Variants in NID1 observed in about 807,000 individuals in gnomAD.
The protein encoded by NID1 is nidogen 1, also known as nidogen-1.
NID1 carries 76 observed loss-of-function variants against 130.6 expected under a neutral mutation model. That is an observed-to-expected ratio of 0.58 (90% CI 0.48 to 0.70). The LOEUF (loss-of-function observed/expected upper bound fraction) is 0.70. Among genes scored for constraint, NID1 ranks in the 30% least tolerant of loss-of-function variants. The probability of loss-of-function intolerance (pLI) is 0.00; values close to 1 mark genes in which losing one functional copy is unlikely to be tolerated. For missense variants in NID1, 1,517 were observed against 1,664.8 expected (o/e 0.91, Z 1.54); for synonymous variants, 665 against 675.1 (o/e 0.98, Z 0.23).
At chr1:235,991,117 A>G in intron 13 of NID1, 59 bp from the exon 14 acceptor site, 2 of 1,300,972 alleles carry the variant, frequency 1.5e-6, no homozygotes, top group Non-Finnish European at 2.1e-6. Context: ...ACACAGATGC[A>G]CACACACACA....
intron 9 of NID1, among the ~76,000 whole-genome samples, chr1:236,023,436 G>T (rs766963354): frequency 6.6e-6 from 1 of 152,174 alleles, no homozygotes; most frequent in Non-Finnish European, 1.5e-5. Flanking sequence ...AAGTGGAATG[G>T]TGATTGCCAA....
chr1:235,977,800 G>T lies in NID1; in HGVS notation c.*67C>A. 2 of 1,574,800 alleles carry T rather than the reference G, an allele frequency of 1.3e-6. No individual in the cohort carries two copies. Among genetic ancestry groups the T allele is most frequent in the South Asian group, 2.3e-5 (2 of 86,502 alleles). On this transcript the variant is annotated 3_prime_UTR_variant, in exon 20 of 20. Transcript: ENST00000264187. The stretch of plus-strand genomic sequence containing the variant: ...TCAGCCAGAGGACACTTTTCAATCT[G>T]GACCAAGTTGCTTCAAGTAGAGTGT...
chr1:236,013,630 G>A (rs1037744955), intron 10 of NID1, 70 bp from the exon 11 acceptor site: 1 of 1,580,968 alleles, frequency 6.3e-7, no homozygotes, highest in African/African-American at 1.3e-5. Context: ...GCCCCTCCCA[G>A]CTCTATAAAG....
intron 9 of NID1, among the ~76,000 whole-genome samples, chr1:236,019,262 A>G (rs1473544229): frequency 6.6e-6 from 1 of 152,226 alleles, no homozygotes; most frequent in Non-Finnish European, 1.5e-5. Flanking sequence ...ACATGGGAGA[A>G]AAAAGGGGCT....
chr1:236,047,559 C>A (rs776718708), intron 2 of NID1, among the ~76,000 whole-genome samples: 1 of 152,094 alleles, frequency 6.6e-6, no homozygotes, highest in African/African-American at 2.4e-5. Flanking sequence ...ACTGCGCCCA[C>A]GGAGAGGCCA....
intron 9 of NID1, among the ~76,000 whole-genome samples, chr1:236,017,676 C>T (rs1174797668): frequency 2.0e-5 from 3 of 152,122 alleles, no homozygotes; most frequent in African/African-American, 7.2e-5. Flanking sequence ...GAGCCACCGC[C>T]CCTAGCCTAA....
Position 236,029,613 on chromosome 1 carries a change from T to C in NID1, c.1675A>G (p.Ile559Val), listed in dbSNP as rs1384630832. The change falls in exon 7 of 20, where the codon ATT (isoleucine) becomes GTT (valine). Residue 559 changes from isoleucine to valine, a missense_variant. This residue lies in a region of NID1 where 1,329 missense variants were observed against 1,429.2 expected (regional missense o/e 0.93). Coordinates refer to ENST00000264187, the MANE Select transcript of NID1 (RefSeq NM_002508.3). ...ATGTGCACGGAGGAGCCGAACGGAA[T>C]CTGCGGCACGCGGCCCTCCAGCTCC... is the stretch of plus-strand genomic sequence containing the variant. ...DTELEGRVPQ[I>V]PFGSSVHIEP... 6.2e-7 allele frequency: 1 copy of C among 1,603,736 alleles called. No homozygotes were observed. The highest frequency in any genetic ancestry group is 1.3e-5 in the African/African-American group (1 of 74,804).
chr1:235,979,103 A>T lies in NID1; in HGVS notation c.3514T>A (p.Ser1172Thr). 6.2e-7 allele frequency: 1 copy of T among 1,609,332 alleles called. No homozygotes were observed. Among genetic ancestry groups the T allele is most frequent in the East Asian group, 2.2e-5 (1 of 44,854 alleles). ...ATTGCAAGATCGAGAGCAACCACGG[A>T]ATTCCTACAAAGCACCAAAGGGCAG... The part of the protein sequence containing the change: ...NLYFTDWKMN[S>T]VVALDLAISK... Residue 1172 changes from serine (S) to threonine (T), a missense_variant, in exon 19 of 20, where the codon TCC (serine) becomes ACC (threonine). Coordinates refer to ENST00000264187, the MANE Select transcript of NID1 (RefSeq NM_002508.3). The surrounding 1 kb of genome is among the most constrained non-coding windows in gnomAD (Gnocchi z 4.6).
chr1:235,981,835 G>T, intron 15 of NID1, 53 bp from the exon 16 acceptor site: 1 of 1,519,070 alleles, frequency 6.6e-7, no homozygotes. Flanking sequence ...AAGCAGCTGA[G>T]ATGAGGTTTT....
intron 17 of NID1, 117 bp downstream of exon 17, chr1:235,980,370 CCATTCATAG>C: frequency 1.1e-6 from 1 of 917,072 alleles, no homozygotes; most frequent in Non-Finnish European, 1.6e-6. Flanking sequence ...ACCGTAAAAA[CCATTCATAG>C]CTTCTGGGTT....
At chr1:236,053,440 C>A (rs1481507643) in intron 1 of NID1, among the ~76,000 whole-genome samples, 1 of 152,098 alleles carries the variant, frequency 6.6e-6, no homozygotes, top group Non-Finnish European at 1.5e-5. Context: ...TCTCAGCTAC[C>A]AACAGCACGC....
chr1:235,991,168 C>T, intron 13 of NID1, 110 bp from the exon 14 acceptor site: 3 of 891,758 alleles, frequency 3.4e-6, no homozygotes, highest in Non-Finnish European at 4.9e-6. Context: ...TACACACACC[C>T]ACACATCAGG....
intron 16 of NID1, among the ~76,000 whole-genome samples, chr1:235,981,083 C>A (rs1412477373): frequency 1.3e-5 from 2 of 152,150 alleles, no homozygotes; most frequent in African/African-American, 4.8e-5. Flanking sequence ...AAGGAGGAGG[C>A]TGAGTGGCCA....
chr1:236,043,695 C>G (rs984557147), intron 3 of NID1, among the ~76,000 whole-genome samples: 24 of 152,094 alleles, frequency 1.6e-4, no homozygotes, highest in African/African-American at 5.1e-4. Context: ...CTGCTCGGGA[C>G]GCTGAAGCAG....
At chr1:236,016,962 C>T (rs559726516) in intron 10 of NID1, among the ~76,000 whole-genome samples, 186 bp downstream of exon 10, 4 of 152,304 alleles carry the variant, frequency 2.6e-5, no homozygotes, top group South Asian at 2.1e-4. Flanking sequence ...ATGTTGCTTA[C>T]TCATTACACT....
chr1:236,064,743 G>T, intron 1 of NID1, 112 bp downstream of exon 1: 1 of 937,458 alleles, frequency 1.1e-6, no homozygotes, highest in Non-Finnish European at 1.5e-6. Context: ...GTGCCCCGGC[G>T]GCCAGCGGGT....
rs1659326933 is a variant in NID1 at position 236,038,401 on chromosome 1, T to C, written c.1136-148A>G. On this transcript the variant is annotated intron_variant, in intron 4 of 19. Transcript: ENST00000264187. ...CCAGGCTCACTACAGAAGATTACAA[T>C]CCCCTACAGGTAGCCACTTAAATAG... 5.4e-6 allele frequency: 4 copies of C among 735,548 alleles called. No individual in the cohort carries two copies. The Admixed American group carries it at 1.5e-4, about 27-fold the overall frequency. The allele number at this position is 735,548 out of a possible 1,614,324, so 45.6% of individuals were successfully genotyped here.
chr1:236,039,830 G>A (rs760706453), intron 4 of NID1, among the ~76,000 whole-genome samples: 1 of 152,134 alleles, frequency 6.6e-6, no homozygotes, highest in African/African-American at 2.4e-5. Flanking sequence ...CTGAACACGT[G>A]ATGCCGCTGA....
At chr1:236,016,252 A>G (rs1658590777) in intron 10 of NID1, among the ~76,000 whole-genome samples, 1 of 152,110 alleles carries the variant, frequency 6.6e-6, no homozygotes, top group Admixed American at 6.6e-5. Flanking sequence ...GTCACACTCA[A>G]AATATGAGAA....
Sources: allele counts gnomAD v4.1 joint callset (sites outside exome capture counted in the v4.1 genomes callset), GRCh38; gene constraint gnomAD v4.1.1; regional missense constraint gnomAD v4.1.1; non-coding constraint Gnocchi (gnomAD v3.1); transcripts MANE v1.5; gene names NCBI Gene and HGNC (gene_info 2026-07-23, HGNC 2026-07-21).